The following ZBTB11 variants were observed in gnomAD, a reference collection of about 807,000 sequenced individuals.
ZBTB11 encodes the protein zinc finger and BTB domain containing 11, also known as zinc finger and BTB domain-containing protein 11.
Under a neutral mutation model 113.1 loss-of-function variants are expected in ZBTB11, and 68 were observed. The ratio of observed to expected loss-of-function variants is 0.60; its 90% CI spans 0.49 to 0.74. The LOEUF (loss-of-function observed/expected upper bound fraction) is 0.74. Ranked by LOEUF, ZBTB11 falls within the 30% of genes least tolerant of loss-of-function variation. ZBTB11 has a pLI of 0.00. For synonymous variants in ZBTB11, 518 were observed against 452.6 expected (o/e 1.14, Z -1.83); for missense variants, 1,104 against 1,279.4 (o/e 0.86, Z 2.09).
intron 3 of ZBTB11, among the ~76,000 whole-genome samples, chr3:101,667,322 G>C (rs1418215797): frequency 6.6e-6 from 1 of 152,190 alleles, no homozygotes; most frequent in Non-Finnish European, 1.5e-5. Flanking sequence ...TTACAGGTGT[G>C]AGCCACTACA....
At chr3:101,660,586 T>G (rs1355226660) in intron 5 of ZBTB11, among the ~76,000 whole-genome samples, 1 of 152,246 alleles carries the variant, frequency 6.6e-6, no homozygotes, top group African/African-American at 2.4e-5. Context: ...AGTGCAGCTG[T>G]GCTTGGATGA....
chr3:101,673,600 G>A (rs1269813017), intron 1 of ZBTB11, among the ~76,000 whole-genome samples: 1 of 151,440 alleles, frequency 6.6e-6, no homozygotes, highest in African/African-American at 2.4e-5. Context: ...TGCAACCTCC[G>A]CCTCCTGGGT....
chr3:101,674,479 G>A (rs995393637), intron 1 of ZBTB11, among the ~76,000 whole-genome samples: 1 of 152,132 alleles, frequency 6.6e-6, no homozygotes, highest in African/African-American at 2.4e-5. Context: ...GGGAGGTCGA[G>A]GTGAGCAGAT....
rs1335204838 is a variant in ZBTB11, at chr3:101,648,978, A to ATGGATGGGGAGC, written c.*2176_*2187dup. 6.6e-6 allele frequency: 1 copy of ATGGATGGGGAGC among 152,238 alleles called. No homozygotes were observed. Among genetic ancestry groups the ATGGATGGGGAGC allele is most frequent in the Non-Finnish European group, 1.5e-5 (1 of 68,082 alleles). 9.4% of individuals were successfully genotyped at this position (152,238 alleles called of 1,614,324 possible). On this transcript the variant is annotated 3_prime_UTR_variant, in exon 11 of 11. Transcript: ENST00000312938. ...CTGGATAAAGGTGGCTCTCAGCAGGATGGATGGGGAGCTGGAAAGGGGATG... is the reference window on the plus strand; with the variant it reads ...CTGGATAAAGGTGGCTCTCAGCAGGATGGATGGGGAGCTGGATGGGGAGCTGGAAAGGGGATG...
At chr3:101,658,597 C>G (rs1382903855) in intron 6 of ZBTB11, among the ~76,000 whole-genome samples, 1 of 152,040 alleles carries the variant, frequency 6.6e-6, no homozygotes, top group African/African-American at 2.4e-5. Flanking sequence ...CACCTCGGCT[C>G]ACGGCAACCA....
Position 101,665,075 on chromosome 3 carries a change from T to C in ZBTB11, c.1512A>G (p.Arg504=), listed in dbSNP as rs142032657. ...TAACAGAACGTTGTCGAAGCCTGCT[T>C]CTATAAGTATCATCATCAGGGCCAA... The part of the protein sequence containing the change: ...TDFGPDDDTY[R]SRLRQRSVNE... The change falls in exon 4 of 11, where the codon AGA becomes AGG. Residue 504 remains arginine (R), a synonymous_variant. Transcript: ENST00000312938. The C allele has an allele frequency of 2.1e-4, 331 of 1,614,168 alleles. No individual in the cohort carries two copies. In the African/African-American group the frequency reaches 3.9e-3, roughly 19 times the overall value.
Position 101,651,132 on chromosome 3 carries a change from G to T in ZBTB11, c.*34C>A. 6.5e-7 allele frequency: 1 copy of T among 1,535,684 alleles called. No individual in the cohort carries two copies. The highest frequency in any genetic ancestry group is 8.7e-7 in the Non-Finnish European group (1 of 1,145,490). On this transcript the variant is annotated 3_prime_UTR_variant, in exon 11 of 11. Transcript: ENST00000312938. ...AATGTTCTGTGAGTTCAGTGTACAA[G>T]AGATGTCACTTCTTTTTATCTTCAT...
Position 101,677,132 on chromosome 3 carries a change from T to A in ZBTB11, c.-218A>T. The A allele has an allele frequency of 1.8e-6, 1 of 552,410 alleles. No individual in the cohort carries two copies. Among genetic ancestry groups the A allele is most frequent in the Non-Finnish European group, 3.1e-6 (1 of 322,270 alleles). The allele number at this position is 552,410 out of a possible 1,614,324, so 34.2% of individuals were successfully genotyped here. On this transcript the variant is annotated 5_prime_UTR_variant, in exon 1 of 11. Coordinates refer to ENST00000312938, the MANE Select transcript of ZBTB11 (RefSeq NM_014415.4). ...CCAGCGCGCGGGATCCGCTGGCGAC[T>A]GACAAAATGGCTGCTGCACCACCGG...
chr3:101,657,124 G>A (rs539594860), intron 6 of ZBTB11, among the ~76,000 whole-genome samples: 9 of 125,318 alleles, frequency 7.2e-5, no homozygotes, highest in Middle Eastern at 6.5e-3. Context: ...CTCAGTGACA[G>A]AGCAAGAATC....
chr3:101,672,072 T>G lies in ZBTB11; in HGVS notation c.452A>C (p.Glu151Ala), dbSNP rs1937094684. 1 of 1,614,076 alleles carries G rather than the reference T, an allele frequency of 6.2e-7. No individual in the cohort carries two copies. Among genetic ancestry groups the G allele is most frequent in the Non-Finnish European group, 8.5e-7 (1 of 1,180,022 alleles). Residue 151 changes from glutamate to alanine, a missense_variant, in exon 2 of 11, where the codon GAA (glutamate) becomes GCA (alanine). Glu to Ala is a moderately radical substitution (Grantham distance 107). Around this residue, in one of 5 missense-constraint regions of ZBTB11, gnomAD observed 245 missense variants for 272.5 expected, o/e 0.90. Transcript: ENST00000312938. Reference protein sequence around the residue: ...LDLESGEESNESEDDLSNFTS... With the variant: ...LDLESGEESNASEDDLSNFTS... ...AAAGTTGCTCAGGTCATCTTCCGATTCATTACTTTCTTCTCCAGATTCAAG... is the reference window on the plus strand; with the variant it reads ...AAAGTTGCTCAGGTCATCTTCCGATGCATTACTTTCTTCTCCAGATTCAAG...
intron 1 of ZBTB11, among the ~76,000 whole-genome samples, chr3:101,673,188 G>A (rs1937109504): frequency 6.6e-6 from 1 of 152,166 alleles, no homozygotes. Flanking sequence ...AAGGCTTTAT[G>A]TATATGTACA....
intron 3 of ZBTB11, chr3:101,670,767 A>G (rs1486093158): frequency 5.3e-6 from 1 of 190,086 alleles, no homozygotes; most frequent in African/African-American, 2.4e-5. Flanking sequence ...AGTAGGTGGG[A>G]CTACAGGCGG....
chr3:101,651,808 G>C (rs1180139058), intron 10 of ZBTB11, 125 bp from the exon 11 acceptor site: 3 of 1,023,216 alleles, frequency 2.9e-6, no homozygotes. Flanking sequence ...CTGGACTGTG[G>C]CAATCTTTTA....
chr3:101,676,438 T>C (rs1486698931), intron 1 of ZBTB11, 167 bp downstream of exon 1: 10 of 669,374 alleles, frequency 1.5e-5, no homozygotes, highest in African/African-American at 3.8e-5. Context: ...CTGTGGGAAG[T>C]GCGGCTCCTT....
In ZBTB11 at chr3:101,651,318, C is replaced by G; in HGVS notation, c.3010G>C (p.Glu1004Gln). 6.2e-7 allele frequency: 1 copy of G among 1,613,962 alleles called. No individual in the cohort carries two copies. The highest frequency in any genetic ancestry group is 8.5e-7 in the Non-Finnish European group (1 of 1,179,980). ...GAAAGTGTAGATACCGATGGATACT[C>G]TTCAGTAGCTGCAACAGCTTCCAGA... ...EALEAVAATE[E>Q]YPSVSTLSDQ... Residue 1004 changes from glutamate (E) to glutamine (Q), a missense_variant, in exon 11 of 11, where the codon GAG (glutamate) becomes CAG (glutamine). Physicochemically the swap from Glu to Gln is conservative, Grantham distance 29. Coordinates refer to ENST00000312938, the MANE Select transcript of ZBTB11 (RefSeq NM_014415.4).
chr3:101,656,005 A>G, intron 7 of ZBTB11, 99 bp downstream of exon 7: 1 of 1,030,872 alleles, frequency 9.7e-7, no homozygotes, highest in Non-Finnish European at 1.3e-6. Context: ...AATTGAGCAC[A>G]CACGACTATC....
chr3:101,651,583 G>A lies in ZBTB11; in HGVS notation c.2745C>T (p.Val915=), dbSNP rs753985460. 1.9e-6 allele frequency: 3 copies of A among 1,613,622 alleles called. No individual in the cohort carries two copies. Among genetic ancestry groups the A allele is most frequent in the South Asian group, 1.1e-5 (1 of 91,074 alleles). ...TGTAGGCTTCGCTACATACAGGACA[G>A]ACATAGGGCCGTTCACCAGTATGTG... ...VRTHTGERPY[V]CPVCSEAYID... The change falls in exon 11 of 11, where the codon GTC becomes GTT. Residue 915 remains valine, a synonymous_variant. Transcript: ENST00000312938.
At chr3:101,655,906 T>C in intron 7 of ZBTB11, 198 bp downstream of exon 7, 1 of 263,922 alleles carries the variant, frequency 3.8e-6, no homozygotes, top group South Asian at 7.4e-5. Flanking sequence ...ATGATCTGCC[T>C]GCCTCGGCCT....
intron 3 of ZBTB11, 39 bp downstream of exon 3, chr3:101,671,091 C>G: frequency 6.5e-7 from 1 of 1,547,046 alleles, no homozygotes; most frequent in Non-Finnish European, 8.9e-7. Flanking sequence ...TCTAGAATGT[C>G]ATTACAAACA....
Sources: gnomAD v4.1 joint callset for allele counts (sites outside exome capture counted in the v4.1 genomes callset) on GRCh38, gnomAD v4.1.1 for gene constraint, gnomAD v4.1.1 regional missense constraint, MANE v1.5 for transcripts, NCBI Gene and HGNC (gene_info 2026-07-23, HGNC 2026-07-21) for gene names.